ANXA9: variants seen among roughly 807,000 people sequenced by gnomAD.
ANXA9 encodes annexin 31.
A neutral mutation model predicts 51.8 loss-of-function variants in ANXA9; 47 were observed. The ratio of observed to expected loss-of-function variants is 0.91; its 90% CI spans 0.72 to 1.16. The LOEUF (loss-of-function observed/expected upper bound fraction) is 1.16, where lower values mean the gene tolerates loss of function less well. Among genes scored for constraint, ANXA9 ranks in the 50% most tolerant of loss-of-function variants. The pLI, the probability that ANXA9 is intolerant of heterozygous loss-of-function variation, is 0.00. For missense variants in ANXA9, 361 were observed against 424.7 expected (o/e 0.85, Z 1.32); for synonymous variants, 154 against 168.7 (o/e 0.91, Z 0.68).
At chr1:150,990,672 C>T (rs182483387) in intron 12 of ANXA9, among the ~76,000 whole-genome samples, 1 of 152,128 alleles carries the variant, frequency 6.6e-6, no homozygotes, top group African/African-American at 2.4e-5. Flanking sequence ...CATGGTGAAA[C>T]CCCATCTCTA....
At chr1:150,986,703 T>C (rs1339029620) in intron 9 of ANXA9, 42 bp downstream of exon 9, 1 of 1,528,962 alleles carries the variant, frequency 6.5e-7, no homozygotes, top group Admixed American at 2.3e-5. Flanking sequence ...GCCATGCACA[T>C]AAGATGCCTT....
In ANXA9 at chr1:150,983,126, G is replaced by A; in HGVS notation, c.21G>A (p.Lys7=). 6.2e-7 allele frequency: 1 copy of A among 1,614,106 alleles called. No individual in the cohort carries two copies. Among genetic ancestry groups the A allele is most frequent in the Non-Finnish European group, 8.5e-7 (1 of 1,179,988 alleles). Residue 7 remains lysine, a synonymous_variant, in exon 3 of 14, where the codon AAG becomes AAA. Transcript: ENST00000368947. MSVTGG[K]MAPSLTQEIL... The stretch of plus-strand genomic sequence containing the variant: ...GCACCATGTCTGTGACTGGCGGGAA[G>A]ATGGCACCGTCCCTCACCCAGGAGA...
intron 7 of ANXA9, among the ~76,000 whole-genome samples, chr1:150,984,916 C>T (rs1048056433): frequency 1.3e-5 from 2 of 151,890 alleles, no homozygotes; most frequent in Admixed American, 6.6e-5. Context: ...CACCCCAACA[C>T]TTTGGGAGGC....
upstream of ANXA9, among the ~76,000 whole-genome samples, chr1:150,980,655 C>T (rs2102783586): frequency 6.9e-6 from 1 of 143,942 alleles, no homozygotes; most frequent in South Asian, 2.3e-4. Flanking sequence ...TCTCAGCTCA[C>T]TGCAACCTCT....
At chr1:150,989,090 C>T (rs1419470345) in intron 12 of ANXA9, among the ~76,000 whole-genome samples, 2 of 151,942 alleles carry the variant, frequency 1.3e-5, no homozygotes, top group African/African-American at 4.8e-5. Flanking sequence ...AGCGATTTTC[C>T]TGCCTCAGCC....
At chr1:150,991,546 C>T (rs956004417) in intron 12 of ANXA9, among the ~76,000 whole-genome samples, 1 of 126,186 alleles carries the variant, frequency 7.9e-6, no homozygotes, top group Admixed American at 7.7e-5. Flanking sequence ...TCTTCTTCTT[C>T]TTTTTTTTTC....
chr1:150,988,391 G>A (rs1284275300), intron 12 of ANXA9, 50 bp downstream of exon 12: 2 of 1,601,648 alleles, frequency 1.2e-6, no homozygotes, highest in Non-Finnish European at 1.7e-6. Context: ...GGGGAGGAGA[G>A]AGGAAGTCTC....
chr1:150,980,690 C>T (rs1170642260), upstream of ANXA9, among the ~76,000 whole-genome samples: 1 of 150,256 alleles, frequency 6.7e-6, no homozygotes, highest in African/African-American at 2.5e-5. Flanking sequence ...AGTGATTCTC[C>T]TGCCTCAGCC....
At chr1:150,993,633 C>CTTTTTTTTTT (rs35186445) in intron 12 of ANXA9, among the ~76,000 whole-genome samples, 1 of 104,184 alleles carries the variant, frequency 9.6e-6, no homozygotes, top group Non-Finnish European at 1.8e-5. Context: ...TTCTTTCTTT[C>CTTTTTTTTTT]TTTTTTTTTT....
At chr1:150,990,129 C>G (rs1251780867) in intron 12 of ANXA9, among the ~76,000 whole-genome samples, 2 of 151,660 alleles carry the variant, frequency 1.3e-5, no homozygotes, top group African/African-American at 4.9e-5. Flanking sequence ...GGCGACATAG[C>G]AAGAACTCGT....
chr1:150,989,082 C>T (rs1042053667), intron 12 of ANXA9, among the ~76,000 whole-genome samples: 8 of 151,634 alleles, frequency 5.3e-5, no homozygotes, highest in Non-Finnish European at 1.0e-4. Context: ...TGGATTCAAG[C>T]GATTTTCCTG....
rs776969564 is a variant in ANXA9, at chr1:150,984,628, A to T, written c.424A>T (p.Thr142Ser). 1.3e-5 allele frequency: 21 copies of T among 1,613,790 alleles called. No individual in the cohort carries two copies. In the East Asian group the frequency reaches 1.6e-4, roughly 12 times the overall value. Residue 142 changes from threonine (T) to serine (S), a missense_variant, in exon 7 of 14, where the codon ACT (threonine) becomes TCT (serine). Transcript: ENST00000368947. ...GGACGTGGCCATTGAAATTCTTGCC[A>T]CTCGAACCCCACCCCAGCTGCAGGA... Reference protein sequence around the residue: ...AVDVAIEILATRTPPQLQECL... With the variant: ...AVDVAIEILASRTPPQLQECL...
intron 8 of ANXA9, 44 bp downstream of exon 8, chr1:150,986,459 G>A: frequency 6.2e-7 from 1 of 1,601,656 alleles, no homozygotes; most frequent in South Asian, 1.1e-5. Context: ...CGTTCACCAG[G>A]CAAGGAGACA....
chr1:150,986,322 T>TCACCC lies in ANXA9; in HGVS notation c.473-6_473-2dup, dbSNP rs1470438265. 5 of 1,613,402 alleles carry TCACCC rather than the reference T, an allele frequency of 3.1e-6. No individual in the cohort carries two copies. The highest frequency in any genetic ancestry group is 4.2e-6 in the Non-Finnish European group (5 of 1,179,498). ...AACTCAGGAGGATTCAGAGAGCTCCTCACCCCACCCCAGATTTCCAGGTGG... is the reference window on the plus strand; with the variant it reads ...AACTCAGGAGGATTCAGAGAGCTCCTCACCCCACCCCACCCCAGATTTCCAGGTGG... On this transcript the variant is annotated splice_polypyrimidine_tract_variant and intron_variant, in intron 7 of 13. Transcript: ENST00000368947.
At chr1:150,987,094 A>G (rs1031000835) in intron 9 of ANXA9, among the ~76,000 whole-genome samples, 1 of 152,174 alleles carries the variant, frequency 6.6e-6, no homozygotes, top group East Asian at 1.9e-4. Context: ...TAGGCCAGGC[A>G]TGGTGGCTTA....
chr1:150,991,287 A>T (rs1162082048), intron 12 of ANXA9, among the ~76,000 whole-genome samples: 1 of 149,674 alleles, frequency 6.7e-6, no homozygotes, highest in Admixed American at 6.7e-5. Context: ...ACCAGGCTGG[A>T]GTGCAGTGGC....
upstream of ANXA9, among the ~76,000 whole-genome samples, chr1:150,979,911 A>G (rs956963460): frequency 6.6e-6 from 1 of 152,174 alleles, no homozygotes; most frequent in Non-Finnish European, 1.5e-5. Context: ...CATAAACACT[A>G]TTACTTGTCT....
chr1:150,984,695 G>A lies in ANXA9; in HGVS notation c.472+19G>A. On this transcript the variant is annotated intron_variant, in intron 7 of 13. Coordinates refer to ENST00000368947, the MANE Select transcript of ANXA9 (RefSeq NM_003568.3). ...AAACACAGTAAGAATATAGAGGGAG[G>A]GGTCCCAGATGCTGGAGAAGGGGCT... is the stretch of plus-strand genomic sequence containing the variant. 2 of 1,606,830 alleles carry A rather than the reference G, an allele frequency of 1.2e-6. No homozygotes were observed. The highest frequency in any genetic ancestry group is 1.7e-6 in the Non-Finnish European group (2 of 1,174,192).
chr1:150,991,012 G>A (rs894578032), intron 12 of ANXA9, among the ~76,000 whole-genome samples: 3 of 151,516 alleles, frequency 2.0e-5, no homozygotes, highest in Middle Eastern at 3.2e-3. Flanking sequence ...GCGTGGTAGC[G>A]GGCGCCTGTA....
Sources: gnomAD v4.1 joint callset for allele counts (sites outside exome capture counted in the v4.1 genomes callset) on GRCh38, gnomAD v4.1.1 for gene constraint, MANE v1.5 for transcripts, NCBI Gene and HGNC (gene_info 2026-07-23, HGNC 2026-07-21) for gene names.